The following TSHZ1 variants were observed in gnomAD, a reference collection of about 807,000 sequenced individuals.
TSHZ1 encodes the protein teashirt homolog 1.
In TSHZ1, 12 loss-of-function variants were observed where a neutral mutation model predicts 67.1. That is an observed-to-expected ratio of 0.18 (90% CI 0.11 to 0.29). The LOEUF (loss-of-function observed/expected upper bound fraction) is 0.29, where lower values mean the gene tolerates loss of function less well. Ranked by LOEUF, TSHZ1 falls within the 10% of genes least tolerant of loss-of-function variation. The pLI is 1.00. For missense variants in TSHZ1, 1,305 were observed against 1,413.9 expected (o/e 0.92, Z 1.23); for synonymous variants, 632 against 622.4 (o/e 1.02, Z -0.23).
Position 75,211,881 on chromosome 18 carries a change from C to G in TSHZ1, c.5C>G (p.Pro2Arg). The change falls in exon 1 of 2, where the codon CCG (proline) becomes CGG (arginine). Residue 2 changes from proline (P) to arginine (R), a missense_variant. Transcript: ENST00000580243. Reference protein sequence around the residue: MPRRKQQAPRRS... With the variant: MRRRKQQAPRRS... ...CGGCTGCGGCGGCCGAGCAGCATGC[C>G]GAGGAGGAAGCAGCAGGCCCCCCGG... 2.5e-6 allele frequency: 3 copies of G among 1,192,596 alleles called. No individual in the cohort carries two copies. Among genetic ancestry groups the G allele is most frequent in the Non-Finnish European group, 3.1e-6 (3 of 962,898 alleles). The allele number at this position is 1,192,596 out of a possible 1,614,324, so 73.9% of individuals were successfully genotyped here.
intron 1 of TSHZ1, among the ~76,000 whole-genome samples, chr18:75,249,563 T>C (rs77220784): frequency 0.016 from 2,418 of 151,600 alleles, 25 homozygotes; most frequent in South Asian, 0.033. Context: ...ATCTCACCCC[T>C]ATAGTAGGTG....
intron 1 of TSHZ1, among the ~76,000 whole-genome samples, chr18:75,235,076 C>T (rs772470883): frequency 4.6e-5 from 7 of 152,092 alleles, no homozygotes; most frequent in East Asian, 1.9e-4. Context: ...GTGTCACACC[C>T]GTGTTGTGAG....
intron 1 of TSHZ1, among the ~76,000 whole-genome samples, chr18:75,278,612 G>A (rs1418086932): frequency 1.3e-5 from 2 of 152,040 alleles, no homozygotes; most frequent in Non-Finnish European, 2.9e-5. Flanking sequence ...AAGACTCAGC[G>A]CACCGTGAAA....
chr18:75,259,717 G>A (rs1205733457), intron 1 of TSHZ1, among the ~76,000 whole-genome samples: 1 of 152,134 alleles, frequency 6.6e-6, no homozygotes, highest in Non-Finnish European at 1.5e-5. Flanking sequence ...TAATGGGTAT[G>A]TACGTATAGA....
At chr18:75,257,996 C>T (rs1480648833) in intron 1 of TSHZ1, among the ~76,000 whole-genome samples, 3 of 152,198 alleles carry the variant, frequency 2.0e-5, no homozygotes, top group Admixed American at 6.5e-5. Context: ...CCTAGCAGAG[C>T]GGGAAGAGAG....
Position 75,286,006 on chromosome 18 carries a change from A to G in TSHZ1, c.599A>G (p.His200Arg). 2 of 1,608,648 alleles carry G rather than the reference A, an allele frequency of 1.2e-6. No individual in the cohort carries two copies. Among genetic ancestry groups the G allele is most frequent in the East Asian group, 4.5e-5 (2 of 44,638 alleles). Reference protein sequence around the residue: ...STSSSSGYDWHQAALAKTLQQ... With the variant: ...STSSSSGYDWRQAALAKTLQQ... ...AGCAGCAGCTCCGGGTACGACTGGC[A>G]CCAGGCTGCACTGGCCAAGACGCTG... Residue 200 changes from histidine (H) to arginine (R), a missense_variant, in exon 2 of 2, where the codon CAC becomes CGC. This residue lies in a region of TSHZ1 where 358 missense variants were observed against 375.6 expected (regional missense o/e 0.95). Coordinates refer to ENST00000580243, the MANE Select transcript of TSHZ1 (RefSeq NM_001308210.2). This position sits in a 1 kb window ranked among gnomAD's most constrained non-coding sequence, Gnocchi z 5.1.
chr18:75,288,060 A>C lies in TSHZ1; in HGVS notation c.2653A>C (p.Arg885=). 6.2e-7 allele frequency: 1 copy of C among 1,613,822 alleles called. No individual in the cohort carries two copies. The highest frequency in any genetic ancestry group is 8.5e-7 in the Non-Finnish European group (1 of 1,180,012). The change falls in exon 2 of 2, where the codon AGG becomes CGG. Residue 885 remains arginine (R), a synonymous_variant. Transcript: ENST00000580243. The surrounding 1 kb of genome is among the most constrained non-coding windows in gnomAD (Gnocchi z 4.9). ...ALDELSPVHK[R]KGRQSNWNPQ... ...GGACGAGCTGTCACCGGTCCACAAGAGGAAGGGCCGGCAGTCCAACTGGAA... is the reference window on the plus strand; with the variant it reads ...GGACGAGCTGTCACCGGTCCACAAGCGGAAGGGCCGGCAGTCCAACTGGAA...
chr18:75,241,706 T>C (rs1043868389), intron 1 of TSHZ1, among the ~76,000 whole-genome samples: 3 of 152,010 alleles, frequency 2.0e-5, no homozygotes, highest in Non-Finnish European at 4.4e-5. Flanking sequence ...TAAAACAACA[T>C]ACATTTATTC....
At position 75,281,851 on chromosome 18, in the gene TSHZ1, G is replaced by A. The variant is rs1302300965; in HGVS notation, c.41-3597G>A. On this transcript the variant is annotated intron_variant, in intron 1 of 1. Transcript: ENST00000580243. This position sits in a 1 kb window ranked among gnomAD's most constrained non-coding sequence, Gnocchi z 5.3. ...GCGGGCAGGGAGAGCCCGAACCTGTGGGGGCCCAGCCTTCACCCTGGTCCA... is the reference window on the plus strand; with the variant it reads ...GCGGGCAGGGAGAGCCCGAACCTGTAGGGGCCCAGCCTTCACCCTGGTCCA... Among the ~76,000 whole-genome samples, 2 of 152,012 alleles carry A rather than the reference G, an allele frequency of 1.3e-5. No homozygotes were observed. Among genetic ancestry groups the A allele is most frequent in the East Asian group, 1.9e-4 (1 of 5,178 alleles).
chr18:75,236,107 G>A (rs1401494963), intron 1 of TSHZ1, among the ~76,000 whole-genome samples: 8 of 152,298 alleles, frequency 5.3e-5, no homozygotes, highest in South Asian at 4.1e-4. Flanking sequence ...GGAAGTGTGC[G>A]TGATAGGAAG....
chr18:75,264,965 A>G (rs1271134879), intron 1 of TSHZ1, among the ~76,000 whole-genome samples: 1 of 152,200 alleles, frequency 6.6e-6, no homozygotes, highest in Admixed American at 6.5e-5. Context: ...AGTTCAGCAC[A>G]AAACAAGTGT....
chr18:75,250,441 C>A (rs2122566114), intron 1 of TSHZ1, among the ~76,000 whole-genome samples: 1 of 152,372 alleles, frequency 6.6e-6, no homozygotes, highest in East Asian at 1.9e-4. Context: ...GCGGCCTGTC[C>A]TCCCTGCAGC....
In TSHZ1 at chr18:75,227,826, A is replaced by T. The variant is rs1303359915; in HGVS notation, c.40+15910A>T. Among the ~76,000 whole-genome samples, 5 of 152,106 alleles carry T rather than the reference A, an allele frequency of 3.3e-5. No homozygotes were observed. In the South Asian group the frequency reaches 1.0e-3, roughly 32 times the overall value. On this transcript the variant is annotated intron_variant, in intron 1 of 1. Coordinates refer to ENST00000580243, the MANE Select transcript of TSHZ1 (RefSeq NM_001308210.2). ...TTTCCTAGGCGGAGCTAGCCCTTTC[A>T]TTTTTCTGCATAAGGCTAATTTATT...
At chr18:75,238,579 C>T (rs2023112334) in intron 1 of TSHZ1, among the ~76,000 whole-genome samples, 1 of 151,220 alleles carries the variant, frequency 6.6e-6, no homozygotes, top group African/African-American at 2.4e-5. Flanking sequence ...AAGAGCCCCT[C>T]AGTAAAGGCA....
chr18:75,230,405 C>CA (rs1369793374), intron 1 of TSHZ1, among the ~76,000 whole-genome samples: 23 of 152,084 alleles, frequency 1.5e-4, no homozygotes, highest in African/African-American at 5.6e-4. Flanking sequence ...AAACAGGAAA[C>CA]AAAAACAGAA....
intron 1 of TSHZ1, among the ~76,000 whole-genome samples, chr18:75,233,326 A>G (rs897055870): frequency 6.6e-6 from 1 of 152,212 alleles, no homozygotes; most frequent in East Asian, 1.9e-4. Flanking sequence ...TGGAATTAGT[A>G]TTATGGCACA....
At chr18:75,251,371 A>G (rs999721672) in intron 1 of TSHZ1, among the ~76,000 whole-genome samples, 1 of 151,772 alleles carries the variant, frequency 6.6e-6, no homozygotes, top group Non-Finnish European at 1.5e-5. Flanking sequence ...TTTTTGCTCT[A>G]CAGATATTTT....
intron 1 of TSHZ1, among the ~76,000 whole-genome samples, chr18:75,243,312 C>G (rs963677746): frequency 6.6e-6 from 1 of 152,208 alleles, no homozygotes; most frequent in African/African-American, 2.4e-5. Flanking sequence ...TCTGTCGTAT[C>G]TGAGGCATTC....
At chr18:75,230,763 G>A (rs2022987901) in intron 1 of TSHZ1, among the ~76,000 whole-genome samples, 1 of 152,178 alleles carries the variant, frequency 6.6e-6, no homozygotes, top group African/African-American at 2.4e-5. Flanking sequence ...TGGAAGTGGT[G>A]CGAACCCTTC....
Sources: gnomAD v4.1 joint callset for allele counts (sites outside exome capture counted in the v4.1 genomes callset) on GRCh38, gnomAD v4.1.1 for gene constraint, gnomAD v4.1.1 regional missense constraint, Gnocchi (gnomAD v3.1) non-coding constraint, MANE v1.5 for transcripts, NCBI Gene and HGNC (gene_info 2026-07-23, HGNC 2026-07-21) for gene names.